Variants in CFAP52 observed in about 807,000 individuals in gnomAD.
CFAP52 encodes the protein cilia and flagella associated protein 52.
A neutral mutation model predicts 70.5 loss-of-function variants in CFAP52; 57 were observed. That is an observed-to-expected ratio of 0.81 (90% confidence interval 0.65 to 1.01). The LOEUF (loss-of-function observed/expected upper bound fraction) is 1.01. CFAP52 is among the 50% of genes least tolerant of loss of function. The probability of loss-of-function intolerance (pLI) is 0.00; values close to 1 mark genes in which losing one functional copy is unlikely to be tolerated. For missense variants in CFAP52, 785 were observed against 788.5 expected (o/e 1.00, Z 0.05); for synonymous variants, 267 against 292.5 (o/e 0.91, Z 0.89).
intron 11 of CFAP52, 86 bp downstream of exon 11, chr17:9,635,642 A>T: frequency 6.5e-7 from 1 of 1,549,284 alleles, no homozygotes; most frequent in South Asian, 1.2e-5. Context: ...GAAGATTCAC[A>T]TGGAGGGTAG....
downstream of CFAP52, chr17:9,644,974 C>T (rs942496438): frequency 1.3e-5 from 2 of 152,228 alleles, no homozygotes; most frequent in Non-Finnish European, 2.9e-5. Flanking sequence ...GGGCTTTTTT[C>T]ACAGGGCAAC....
At chr17:9,603,967 C>G (rs1168134950) in intron 6 of CFAP52, among the ~76,000 whole-genome samples, 3 of 152,114 alleles carry the variant, frequency 2.0e-5, no homozygotes, top group African/African-American at 7.2e-5. Context: ...ATAAATGGAT[C>G]AATGGGACAG....
At chr17:9,630,327 C>T (rs1019538466) in intron 9 of CFAP52, among the ~76,000 whole-genome samples, 3 of 150,962 alleles carry the variant, frequency 2.0e-5, no homozygotes, top group Non-Finnish European at 4.4e-5. Flanking sequence ...GCCTGTAATC[C>T]CAGCACTTTG....
chr17:9,604,129 C>T (rs923809864), intron 6 of CFAP52, among the ~76,000 whole-genome samples: 2 of 152,134 alleles, frequency 1.3e-5, no homozygotes, highest in Admixed American at 1.3e-4. Flanking sequence ...AGACACAGAC[C>T]TTATACCTTT....
At chr17:9,637,989 C>T (rs373060894) in intron 11 of CFAP52, among the ~76,000 whole-genome samples, 1 of 152,200 alleles carries the variant, frequency 6.6e-6, no homozygotes, top group Non-Finnish European at 1.5e-5. Context: ...TTGGGAGGGA[C>T]TTCTTACCAT....
At chr17:9,612,627 T>C (rs964100405) in intron 8 of CFAP52, 148 bp downstream of exon 8, 12 of 918,752 alleles carry the variant, frequency 1.3e-5, no homozygotes, top group Non-Finnish European at 1.9e-5. Context: ...TTAAGAGACT[T>C]TCCATTGTCT....
At chr17:9,641,061 A>G (rs1911033370) in intron 12 of CFAP52, among the ~76,000 whole-genome samples, 1 of 152,234 alleles carries the variant, frequency 6.6e-6, no homozygotes, top group Admixed American at 6.5e-5. Context: ...AATCTTGAAT[A>G]GATTGTGCAT....
chr17:9,580,909 A>G (rs1262382577), intron 1 of CFAP52, among the ~76,000 whole-genome samples: 1 of 152,232 alleles, frequency 6.6e-6, no homozygotes, highest in African/African-American at 2.4e-5. Context: ...AAGAACTTGA[A>G]TCACTTATTC....
At chr17:9,605,390 T>C (rs1909441643) in intron 6 of CFAP52, among the ~76,000 whole-genome samples, 1 of 152,080 alleles carries the variant, frequency 6.6e-6, no homozygotes, top group Non-Finnish European at 1.5e-5. Flanking sequence ...CTATATGACA[T>C]TCTGGAAAAG....
chr17:9,627,963 A>G (rs183367987), intron 8 of CFAP52, among the ~76,000 whole-genome samples: 16 of 152,202 alleles, frequency 1.1e-4, no homozygotes, highest in Admixed American at 2.6e-4. Flanking sequence ...TCCTGGCCTC[A>G]AGTCATGGGA....
At chr17:9,611,474 A>G (rs916825712) in intron 7 of CFAP52, among the ~76,000 whole-genome samples, 10 of 151,296 alleles carry the variant, frequency 6.6e-5, no homozygotes, top group African/African-American at 1.9e-4. Flanking sequence ...TCTACCTCAG[A>G]CTCCCAAGTA....
At position 9,643,073 on chromosome 17, in the gene CFAP52, A is replaced by G. The variant is rs1210997100; in HGVS notation, c.1738A>G (p.Thr580Ala). 6.2e-7 allele frequency: 1 copy of G among 1,611,646 alleles called. No individual in the cohort carries two copies. Among genetic ancestry groups the G allele is most frequent in the African/African-American group, 1.3e-5 (1 of 74,830 alleles). ...KVWDYNEGEV[T>A]HVGVGHSGNI... ...TTGGGATTATAATGAGGGTGAAGTG[A>G]CTCACGTTGGGGTGGGACACAGTGG... Residue 580 changes from threonine to alanine, a missense_variant, in exon 14 of 14, where the codon ACT becomes GCT. By Grantham distance (58) the Thr-to-Ala change is moderately conservative. Transcript: ENST00000352665.
chr17:9,586,123 C>T (rs545600319), intron 2 of CFAP52, 151 bp downstream of exon 2: 13 of 829,838 alleles, frequency 1.6e-5, no homozygotes, highest in African/African-American at 5.2e-5. Flanking sequence ...ATTTTCATTC[C>T]GTCAGACCGG....
At chr17:9,584,265 C>A (rs1292554477) in intron 1 of CFAP52, 1 of 1,279,948 alleles carries the variant, frequency 7.8e-7, no homozygotes, top group South Asian at 1.3e-5. Flanking sequence ...ACAAACTTTT[C>A]TCTAACATGG....
intron 6 of CFAP52, among the ~76,000 whole-genome samples, chr17:9,607,767 G>A (rs1475928445): frequency 6.6e-6 from 1 of 152,106 alleles, no homozygotes; most frequent in African/African-American, 2.4e-5. Context: ...ATGCACCAGT[G>A]GTTTTAGGGA....
intron 9 of CFAP52, among the ~76,000 whole-genome samples, chr17:9,631,048 G>GAAAGAAAGAAAGAAAGAAAGAAAGAA (rs1426600738): frequency 1.0e-4 from 2 of 19,846 alleles, no homozygotes; most frequent in African/African-American, 2.3e-4. Context: ...GAGAGAGAGA[G>GAAAGAAAGAAAGAAAGAAAGAAAGAA]AGAGAGAAAG....
At chr17:9,590,061 T>C in intron 3 of CFAP52, 1 of 183,618 alleles carries the variant, frequency 5.4e-6, no homozygotes, top group South Asian at 1.4e-4. Flanking sequence ...CGTCAGCTCA[T>C]GGATATGTTC....
chr17:9,630,133 T>C (rs528146657), intron 9 of CFAP52, among the ~76,000 whole-genome samples: 1 of 151,902 alleles, frequency 6.6e-6, no homozygotes, highest in East Asian at 2.0e-4. Context: ...CCTCATTATC[T>C]TCCCCCTTAT....
At chr17:9,637,554 G>A (rs965225673) in intron 11 of CFAP52, among the ~76,000 whole-genome samples, 12 of 152,300 alleles carry the variant, frequency 7.9e-5, no homozygotes, top group Middle Eastern at 3.4e-3. Context: ...CAGTATCTAA[G>A]GCAGGGGTTC....
Sources: gnomAD v4.1 joint callset for allele counts (sites outside exome capture counted in the v4.1 genomes callset) on GRCh38, gnomAD v4.1.1 for gene constraint, MANE v1.5 for transcripts, NCBI Gene and HGNC (gene_info 2026-07-23, HGNC 2026-07-21) for gene names.